TEAD1: variants seen among roughly 807,000 people sequenced by gnomAD.
TEAD1 encodes TEA domain transcription factor 1.
TEAD1 carries 9 observed loss-of-function variants against 54.9 expected under a neutral mutation model. The ratio of observed to expected loss-of-function variants is 0.16; its 90% CI spans 0.10 to 0.29. TEAD1 has a LOEUF of 0.29. Ranked by LOEUF, TEAD1 falls within the 10% of genes least tolerant of loss-of-function variation. TEAD1 has a pLI of 1.00. For synonymous variants in TEAD1, 200 were observed against 187.8 expected (o/e 1.07, Z -0.53); for missense variants, 387 against 535.9 (o/e 0.72, Z 2.74).
intron 2 of TEAD1, among the ~76,000 whole-genome samples, chr11:12,738,211 A>T (rs1944576069): frequency 6.6e-6 from 1 of 152,198 alleles, no homozygotes; most frequent in South Asian, 2.1e-4. Context: ...AATACATAGA[A>T]TAAGAAATAC....
At chr11:12,704,152 C>T (rs1017666386) in intron 2 of TEAD1, among the ~76,000 whole-genome samples, 1 of 152,048 alleles carries the variant, frequency 6.6e-6, no homozygotes, top group African/African-American at 2.4e-5. Flanking sequence ...GTTGGGAGCT[C>T]CCCTCCATAT....
chr11:12,761,181 A>C (rs2133921526), intron 2 of TEAD1, among the ~76,000 whole-genome samples: 1 of 152,344 alleles, frequency 6.6e-6, no homozygotes, highest in South Asian at 2.1e-4. Context: ...ATTCCCCCAA[A>C]CAACCAGGAA....
intron 3 of TEAD1, among the ~76,000 whole-genome samples, chr11:12,855,011 C>T (rs1947345145): frequency 6.6e-6 from 1 of 152,182 alleles, no homozygotes; most frequent in South Asian, 2.1e-4. Context: ...CCTTTCTTTT[C>T]CACTATTGCT....
rs149102901 is a variant in TEAD1, at chr11:12,859,420, G to A, written c.203-2830G>A. 3.9e-5 allele frequency among the ~76,000 whole-genome samples: 6 copies of A among 152,200 alleles called. No individual in the cohort carries two copies. The East Asian group carries it at 1.2e-3, about 29-fold the overall frequency. The stretch of plus-strand genomic sequence containing the variant: ...CAAATAGCCCTGAACAGGATGCACA[G>A]TGAGGCCCCAGGTTGGAGGATGCTT... On this transcript the variant is annotated intron_variant, in intron 3 of 12. Coordinates refer to ENST00000527636, the MANE Select transcript of TEAD1 (RefSeq NM_021961.6).
intron 2 of TEAD1, among the ~76,000 whole-genome samples, chr11:12,756,391 C>T (rs946860868): frequency 1.1e-4 from 16 of 152,208 alleles, no homozygotes; most frequent in Admixed American, 7.2e-4. Flanking sequence ...TCCATCTCTT[C>T]TGTGGTTGCC....
chr11:12,695,509 T>C (rs1447742682), intron 2 of TEAD1, among the ~76,000 whole-genome samples: 3 of 152,218 alleles, frequency 2.0e-5, no homozygotes, highest in African/African-American at 7.2e-5. Flanking sequence ...TTGAATTGCT[T>C]ATCGTCTCTA....
chr11:12,880,493 C>T (rs1224301618), intron 6 of TEAD1, among the ~76,000 whole-genome samples: 1 of 152,216 alleles, frequency 6.6e-6, no homozygotes, highest in Non-Finnish European at 1.5e-5. Flanking sequence ...TTTCCCTCCT[C>T]TATGTCATGC....
chr11:12,786,283 A>G (rs1280514892), intron 3 of TEAD1, among the ~76,000 whole-genome samples: 1 of 152,128 alleles, frequency 6.6e-6, no homozygotes, highest in African/African-American at 2.4e-5. Flanking sequence ...TTGTTTTTCT[A>G]TCTAAAGCTG....
intron 3 of TEAD1, among the ~76,000 whole-genome samples, chr11:12,860,835 C>T (rs1947484484): frequency 6.6e-6 from 1 of 152,180 alleles, no homozygotes. Context: ...GTTTTTGCCA[C>T]CATGGGGGTG....
intron 2 of TEAD1, among the ~76,000 whole-genome samples, chr11:12,701,042 C>A (rs926502650): frequency 6.6e-6 from 1 of 152,118 alleles, no homozygotes; most frequent in Non-Finnish European, 1.5e-5. Context: ...TAGCAGACCC[C>A]CTCTGGGACC....
chr11:12,762,622 G>A (rs544001761), intron 2 of TEAD1, among the ~76,000 whole-genome samples: 91 of 152,174 alleles, frequency 6.0e-4, no homozygotes, highest in African/African-American at 2.1e-3. Context: ...AGGGTTTTTT[G>A]TGTATTTTTT....
At chr11:12,922,794 T>A (rs1467831003) in intron 10 of TEAD1, 1 of 151,620 alleles carries the variant, frequency 6.6e-6, no homozygotes, top group Non-Finnish European at 1.5e-5. Context: ...TTGGGCGTGG[T>A]GGCACATGCC....
chr11:12,794,117 A>G (rs776236667), intron 3 of TEAD1, among the ~76,000 whole-genome samples: 5 of 152,250 alleles, frequency 3.3e-5, no homozygotes, highest in Non-Finnish European at 5.9e-5. Flanking sequence ...AATGGGGCTT[A>G]GAGCCCATAA....
intron 2 of TEAD1, among the ~76,000 whole-genome samples, chr11:12,711,304 C>G (rs1280157548): frequency 1.3e-5 from 2 of 152,096 alleles, no homozygotes; most frequent in Non-Finnish European, 1.5e-5. Flanking sequence ...CTGGCTAGAG[C>G]AGGAGTTGGA....
At chr11:12,809,827 C>G (rs1946254777) in intron 3 of TEAD1, among the ~76,000 whole-genome samples, 1 of 152,088 alleles carries the variant, frequency 6.6e-6, no homozygotes, top group Admixed American at 6.5e-5. Flanking sequence ...CAGGCTTTAC[C>G]TTGTATGCTC....
intron 12 of TEAD1, among the ~76,000 whole-genome samples, chr11:12,936,770 G>C (rs1261602761): frequency 6.6e-6 from 1 of 152,190 alleles, no homozygotes; most frequent in African/African-American, 2.4e-5. Context: ...GTAAATGATT[G>C]CCTTGCGGGA....
Position 12,674,546 on chromosome 11 carries a change from T to G in TEAD1, c.-496T>G, listed in dbSNP as rs1741496536. 1 of 150,584 alleles carries G rather than the reference T, an allele frequency of 6.6e-6. No homozygotes were observed. Among genetic ancestry groups the G allele is most frequent in the Non-Finnish European group, 1.5e-5 (1 of 67,718 alleles). 9.3% of individuals were successfully genotyped at this position (150,584 alleles called of 1,614,324 possible). On this transcript the variant is annotated 5_prime_UTR_variant, in exon 1 of 13. Coordinates refer to ENST00000527636, the MANE Select transcript of TEAD1 (RefSeq NM_021961.6). ...CCACCAAGCACTTTGCAGACTCGCT[T>G]CCACCCTGCGGGCCATTCCGCGCGG...
intron 2 of TEAD1, among the ~76,000 whole-genome samples, chr11:12,727,172 G>A (rs555744761): frequency 3.9e-5 from 6 of 152,240 alleles, no homozygotes; most frequent in East Asian, 3.9e-4. Context: ...CCTGGGAGGC[G>A]GAGGTTGCAG....
Position 12,888,441 on chromosome 11 carries a change from G to A in TEAD1, c.699+5316G>A, listed in dbSNP as rs565396538. Among the ~76,000 whole-genome samples the A allele has an allele frequency of 7.9e-5, 12 of 152,260 alleles. No homozygotes were observed. In the South Asian group the frequency reaches 1.0e-3, roughly 13 times the overall value. On this transcript the variant is annotated intron_variant, in intron 9 of 12. Coordinates refer to ENST00000527636, the MANE Select transcript of TEAD1 (RefSeq NM_021961.6). ...GGAGAATCGCTTGAACCCAAAAGGC[G>A]GAGGTGGCGGTGAGCTGAGATCACG...
Sources: gnomAD v4.1 joint callset for allele counts (sites outside exome capture counted in the v4.1 genomes callset) on GRCh38, gnomAD v4.1.1 for gene constraint, MANE v1.5 for transcripts, NCBI Gene and HGNC (gene_info 2026-07-23, HGNC 2026-07-21) for gene names.